CHD1L: variants seen among roughly 807,000 people sequenced by gnomAD.
CHD1L encodes ATP-dependent chromatin remodeler CHD1L.
Under a neutral mutation model 115.9 loss-of-function variants are expected in CHD1L, and 118 were observed. The observed-to-expected ratio is 1.02, with a 90% CI of 0.88 to 1.19. The LOEUF (loss-of-function observed/expected upper bound fraction) is 1.19. Among genes scored for constraint, CHD1L ranks in the 50% most tolerant of loss-of-function variants. CHD1L has a pLI of 0.00. For missense variants in CHD1L, 1,179 were observed against 1,065.3 expected (o/e 1.11, Z -1.49); for synonymous variants, 411 against 387.1 (o/e 1.06, Z -0.72).
chr1:147,186,822 A>G, the CHD1L span: 5 of 1,520,792 alleles, frequency 3.3e-6, no homozygotes, highest in African/African-American at 5.6e-5. Context: ...TATGAAACTG[A>G]GAGTCAATCT....
At chr1:147,208,547 C>G in the CHD1L span, 1 of 228,740 alleles carries the variant, frequency 4.4e-6, no homozygotes, top group Non-Finnish European at 8.8e-6. Flanking sequence ...TCAGGTGATT[C>G]TCCTGCCTCA....
chr1:147,294,304 T>G (rs938899906), intron 21 of CHD1L, 105 bp from the exon 22 acceptor site: 10 of 640,144 alleles, frequency 1.6e-5, no homozygotes, highest in Non-Finnish European at 2.5e-5. Flanking sequence ...ATTATAATTA[T>G]GGGCTTTGAG....
the CHD1L span, chr1:147,213,583 G>T: frequency 1.2e-6 from 1 of 867,896 alleles, no homozygotes; most frequent in Non-Finnish European, 1.6e-6. Context: ...CCCATGCAGG[G>T]ATATTTGATT....
chr1:147,219,467 T>G, the CHD1L span, among the ~76,000 whole-genome samples: 1 of 152,128 alleles, frequency 6.6e-6, no homozygotes, highest in East Asian at 1.9e-4. Context: ...AAACTAGGAA[T>G]GGAGAGAAAC....
At chr1:147,213,305 C>T in the CHD1L span, 21 of 1,600,518 alleles carry the variant, frequency 1.3e-5, no homozygotes, top group Non-Finnish European at 1.6e-5. Flanking sequence ...GTAAGCTGCT[C>T]ACCAGGGAAG....
chr1:147,222,774 T>C, the CHD1L span, among the ~76,000 whole-genome samples: 1 of 152,202 alleles, frequency 6.6e-6, no homozygotes, highest in East Asian at 1.9e-4. Context: ...GTTAAGTCTT[T>C]AGCAGAGAAT....
the CHD1L span, among the ~76,000 whole-genome samples, chr1:147,208,062 T>C: frequency 6.6e-6 from 1 of 152,220 alleles, no homozygotes; most frequent in Admixed American, 6.5e-5. Context: ...TACCAACTTA[T>C]AGGGCTATTG....
chr1:147,235,125 G>A, the CHD1L span, among the ~76,000 whole-genome samples: 5 of 148,952 alleles, frequency 3.4e-5, no homozygotes, highest in Non-Finnish European at 5.9e-5. Context: ...GTGTGTGTAT[G>A]TGTGTGTGTA....
chr1:147,231,151 T>G, the CHD1L span, among the ~76,000 whole-genome samples: 1 of 152,164 alleles, frequency 6.6e-6, no homozygotes, highest in Admixed American at 6.5e-5. Flanking sequence ...TTTAGTGCTA[T>G]AAATTTCCCT....
Position 147,285,339 on chromosome 1 carries a change from C to A in CHD1L, c.1870C>A (p.Leu624Ile), listed in dbSNP as rs1268723842. The change falls in exon 17 of 23, where the codon CTT (leucine) becomes ATT (isoleucine). Residue 624 changes from leucine (L) to isoleucine (I), a missense_variant. Physicochemically the swap from Leu to Ile is conservative, Grantham distance 5 (BLOSUM62 2). Coordinates refer to ENST00000369258, the MANE Select transcript of CHD1L (RefSeq NM_004284.6). ...CTTCCTCTAGGTTCTCATCCCAGGCCTTGTGGAGGGATCTACCAAAAGGAA... is the reference window on the plus strand; with the variant it reads ...CTTCCTCTAGGTTCTCATCCCAGGCATTGTGGAGGGATCTACCAAAAGGAA... ...RNKGSVLIPGLVEGSTKRKRV... is the reference protein window; with the variant it reads ...RNKGSVLIPGIVEGSTKRKRV... 2 of 1,612,986 alleles carry A rather than the reference C, an allele frequency of 1.2e-6. No homozygotes were observed. The highest frequency in any genetic ancestry group is 1.7e-6 in the Non-Finnish European group (2 of 1,179,710).
Position 147,268,838 on chromosome 1 carries a change from C to A in CHD1L, c.1045C>A (p.Leu349Ile). ...CCACCTGACTGAGGCTAGTGGGAAG[C>A]TTCACCTGCTGGATAAGCTACTAGC... ...GDHLTEASGK[L>I]HLLDKLLAFL... The change falls in exon 10 of 23, where the codon CTT (leucine) becomes ATT (isoleucine). Residue 349 changes from leucine (L) to isoleucine (I), a missense_variant. Transcript: ENST00000369258. 6.2e-7 allele frequency: 1 copy of A among 1,613,702 alleles called. No homozygotes were observed. The highest frequency in any genetic ancestry group is 8.5e-7 in the Non-Finnish European group (1 of 1,179,746).
chr1:147,244,733 A>G (rs951131417), intron 1 of CHD1L, among the ~76,000 whole-genome samples: 3 of 151,992 alleles, frequency 2.0e-5, no homozygotes, highest in Non-Finnish European at 4.4e-5. Context: ...ATCATTCTTA[A>G]TGGTTACAGT....
At chr1:147,214,449 T>C in the CHD1L span, among the ~76,000 whole-genome samples, 1 of 80,766 alleles carries the variant, frequency 1.2e-5, no homozygotes, top group Middle Eastern at 5.2e-3. Flanking sequence ...AGACTCTGTC[T>C]GAAAAAAAAC....
At chr1:147,247,009 A>T (rs1216330528) in intron 1 of CHD1L, among the ~76,000 whole-genome samples, 3 of 152,114 alleles carry the variant, frequency 2.0e-5, no homozygotes, top group African/African-American at 7.2e-5. Flanking sequence ...ACAAATTTTG[A>T]TATGTTGTAT....
chr1:147,255,930 A>G lies in CHD1L; in HGVS notation c.462+3A>G. The G allele has an allele frequency of 6.2e-7, 1 of 1,600,404 alleles. No individual in the cohort carries two copies. The highest frequency in any genetic ancestry group is 8.6e-7 in the Non-Finnish European group (1 of 1,169,192). ...ATGTGCTACTGACTACCTATGAGGT[A>G]TTCATTCGTTTCTCTATAGCGAGAA... On this transcript the variant is annotated splice_donor_region_variant and intron_variant, in intron 4 of 22. Coordinates refer to ENST00000369258, the MANE Select transcript of CHD1L (RefSeq NM_004284.6).
At chr1:147,262,572 C>G (rs910680962) in intron 6 of CHD1L, among the ~76,000 whole-genome samples, 2 of 152,108 alleles carry the variant, frequency 1.3e-5, no homozygotes, top group East Asian at 3.9e-4. Context: ...ACTTGGTGAA[C>G]ACATATTGTA....
At chr1:147,291,613 T>C (rs1553970621) in intron 20 of CHD1L, 61 bp downstream of exon 20, 2 of 1,389,668 alleles carry the variant, frequency 1.4e-6, no homozygotes, top group Non-Finnish European at 2.0e-6. Context: ...TCTCTTGAAG[T>C]GTCCCCTGCC....
the CHD1L span, among the ~76,000 whole-genome samples, chr1:147,233,470 T>TG: frequency 2.8e-4 from 32 of 114,666 alleles, 1 homozygote; most frequent in Admixed American, 1.8e-3. Flanking sequence ...GGGAGGGAGG[T>TG]GGGGGGGGTC....
chr1:147,255,901 T>A lies in CHD1L; in HGVS notation c.436T>A (p.Phe146Ile). The A allele has an allele frequency of 6.2e-7, 1 of 1,613,612 alleles. No individual in the cohort carries two copies. Among genetic ancestry groups the A allele is most frequent in the Non-Finnish European group, 8.5e-7 (1 of 1,179,658 alleles). ...GCAAGACCTGAAACAGGAGTCACGT[T>A]TTCATGTGCTACTGACTACCTATGA... ...LQQDLKQESR[F>I]HVLLTTYEIC... Residue 146 changes from phenylalanine to isoleucine, a missense_variant, in exon 4 of 23, where the codon TTT becomes ATT. Transcript: ENST00000369258.
Sources: gnomAD v4.1 joint callset for allele counts (sites outside exome capture counted in the v4.1 genomes callset) on GRCh38, gnomAD v4.1.1 for gene constraint, MANE v1.5 for transcripts, NCBI Gene and HGNC (gene_info 2026-07-23, HGNC 2026-07-21) for gene names.